Variants in CTCF observed in about 807,000 individuals in gnomAD.
CTCF encodes the protein transcriptional repressor CTCF.
CTCF carries 7 observed loss-of-function variants against 72.3 expected under a neutral mutation model. The observed-to-expected ratio is 0.10, with a 90% CI of 0.06 to 0.18. The LOEUF (loss-of-function observed/expected upper bound fraction) is 0.18, where lower values mean the gene tolerates loss of function less well. Ranked by LOEUF, CTCF falls within the 10% of genes least tolerant of loss-of-function variation. The pLI is 1.00. For synonymous variants in CTCF, 374 were observed against 315.8 expected, an observed-to-expected ratio of 1.18 and a Z score of -1.95; for missense variants, 516 against 949.1, an observed-to-expected ratio of 0.54 and a Z score of 6.00.
chr16:67,589,991 A>T (rs762356354), intron 2 of CTCF, among the ~76,000 whole-genome samples: 5 of 152,142 alleles, frequency 3.3e-5, no homozygotes, highest in Non-Finnish European at 7.4e-5. Context: ...GGAGGCTGAG[A>T]CAGGAGAATC....
Position 67,594,457 on chromosome 16 carries a change from T to G in CTCF, c.-9-16367T>G, listed in dbSNP as rs1166831429. Among the ~76,000 whole-genome samples the G allele has an allele frequency of 2.6e-5, 4 of 151,958 alleles. No individual in the cohort carries two copies. The East Asian group carries it at 5.8e-4, about 22-fold the overall frequency. On this transcript the variant is annotated intron_variant, in intron 2 of 11. Transcript: ENST00000264010. ...GCTCATGCCTATATTCTCAGCATTT[T>G]GTGGGGGATGAAGTGGGAGGATCCC...
intron 10 of CTCF, among the ~76,000 whole-genome samples, chr16:67,636,022 A>G (rs2052423375): frequency 6.6e-6 from 1 of 152,084 alleles, no homozygotes; most frequent in Non-Finnish European, 1.5e-5. Context: ...GCCTGAGGTC[A>G]GGAGTTTGAG....
At chr16:67,570,033 GA>G (rs1445749025) in intron 1 of CTCF, among the ~76,000 whole-genome samples, 2 of 151,366 alleles carry the variant, frequency 1.3e-5, no homozygotes, top group East Asian at 3.9e-4. Context: ...TAAAGATACG[GA>G]AATAAACTGT....
chr16:67,628,693 C>T (rs1029592235), intron 9 of CTCF, 141 bp downstream of exon 9: 24 of 811,618 alleles, frequency 3.0e-5, no homozygotes, highest in South Asian at 2.2e-4. Flanking sequence ...TCATCCCCAT[C>T]TTGATGTTTC....
chr16:67,615,853 A>G (rs1276256231), intron 4 of CTCF: 2 of 152,158 alleles, frequency 1.3e-5, no homozygotes, highest in East Asian at 1.9e-4. Flanking sequence ...AAAGAGAATC[A>G]TTTCTGCAGA....
intron 2 of CTCF, among the ~76,000 whole-genome samples, chr16:67,610,062 G>A (rs865984968): frequency 6.6e-6 from 1 of 152,128 alleles, no homozygotes; most frequent in Non-Finnish European, 1.5e-5. Flanking sequence ...TTAGCCAAAT[G>A]TTCCTAGAGG....
intron 4 of CTCF, 192 bp downstream of exon 4, chr16:67,612,313 G>A: frequency 2.2e-6 from 1 of 459,020 alleles, no homozygotes; most frequent in Non-Finnish European, 3.7e-6. Flanking sequence ...AAAATTTAAT[G>A]AAAAATAACA....
At chr16:67,569,276 C>G (rs1478316730) in intron 1 of CTCF, among the ~76,000 whole-genome samples, 1 of 152,036 alleles carries the variant, frequency 6.6e-6, no homozygotes, top group South Asian at 2.1e-4. Context: ...AGCTCCGCCT[C>G]CTGGGTTCAA....
At chr16:67,630,573 G>A (rs1368577501) in intron 10 of CTCF, among the ~76,000 whole-genome samples, 3 of 152,060 alleles carry the variant, frequency 2.0e-5, no homozygotes, top group Non-Finnish European at 1.5e-5. Flanking sequence ...TGGGGAACAT[G>A]GCAAAACCTT....
chr16:67,566,269 T>G (rs951534348), intron 1 of CTCF, among the ~76,000 whole-genome samples: 5 of 151,986 alleles, frequency 3.3e-5, no homozygotes, highest in African/African-American at 7.2e-5. Flanking sequence ...TTTGGGAGGC[T>G]GAGGCGGGCG....
At chr16:67,597,839 G>T (rs1383160341) in intron 2 of CTCF, among the ~76,000 whole-genome samples, 4 of 152,118 alleles carry the variant, frequency 2.6e-5, no homozygotes, top group African/African-American at 9.7e-5. Context: ...TCTGCCTATA[G>T]TAGTAACAGT....
At chr16:67,572,027 A>G (rs751602710) in intron 2 of CTCF, among the ~76,000 whole-genome samples, 3 of 152,204 alleles carry the variant, frequency 2.0e-5, no homozygotes, top group Non-Finnish European at 4.4e-5. Context: ...AAATAATTTA[A>G]TCGTACATGT....
At chr16:67,568,030 G>C (rs2051365249) in intron 1 of CTCF, 1 of 150,714 alleles carries the variant, frequency 6.6e-6, no homozygotes, top group South Asian at 2.1e-4. Context: ...CTTCCAAGTA[G>C]CTGGGACCAC....
chr16:67,583,414 C>T (rs1597688661), intron 2 of CTCF, among the ~76,000 whole-genome samples: 2 of 152,130 alleles, frequency 1.3e-5, no homozygotes, highest in Middle Eastern at 3.4e-3. Flanking sequence ...TAGCCAGGCG[C>T]GGTGGCTCAC....
chr16:67,564,956 A>G (rs1381801825), intron 1 of CTCF, among the ~76,000 whole-genome samples: 2 of 151,914 alleles, frequency 1.3e-5, no homozygotes, highest in African/African-American at 4.8e-5. Flanking sequence ...AAAACAATCT[A>G]CGGAGAGAAT....
At chr16:67,575,570 G>A (rs1334292016) in intron 2 of CTCF, among the ~76,000 whole-genome samples, 11 of 151,996 alleles carry the variant, frequency 7.2e-5, no homozygotes, top group Non-Finnish European at 1.5e-5. Flanking sequence ...TCAGCCTCCT[G>A]AATAGCTAGG....
rs532725724 is a variant in CTCF, at chr16:67,575,545, A to C, written c.-10+4281A>C. On this transcript the variant is annotated intron_variant, in intron 2 of 11. Transcript: ENST00000264010. ...CTGCAGCCTCTGCTTCCCGGGTTCA[A>C]CCGATTCTCCTGCCTCAGCCTCCTG... Among the ~76,000 whole-genome samples, 5 of 151,978 alleles carry C rather than the reference A, an allele frequency of 3.3e-5. No individual in the cohort carries two copies. In the East Asian group the frequency reaches 5.8e-4, roughly 18 times the overall value.
At chr16:67,629,745 CCTTTTTTTTTTTT>C (rs2052338190) in intron 10 of CTCF, among the ~76,000 whole-genome samples, 1 of 85,030 alleles carries the variant, frequency 1.2e-5, no homozygotes, top group Non-Finnish European at 2.3e-5. Flanking sequence ...TCATTAATGC[CCTTTTTTTTTTTT>C]TTTTTTTTTT....
At chr16:67,629,987 AGAATGGTCTC>A (rs1348999667) in intron 10 of CTCF, among the ~76,000 whole-genome samples, 1 of 151,412 alleles carries the variant, frequency 6.6e-6, no homozygotes, top group Non-Finnish European at 1.5e-5. Context: ...CGTGTTAGCC[AGAATGGTCTC>A]GATCTCCTCA....
Sources: gnomAD v4.1 joint callset for allele counts (sites outside exome capture counted in the v4.1 genomes callset) on GRCh38, gnomAD v4.1.1 for gene constraint, MANE v1.5 for transcripts, NCBI Gene and HGNC (gene_info 2026-07-23, HGNC 2026-07-21) for gene names.